Variants in THSD7B observed in about 807,000 individuals in gnomAD.
THSD7B encodes thrombospondin type 1 domain containing 7B, also known as thrombospondin type-1 domain-containing protein 7B.
In THSD7B, 138 loss-of-function variants were observed where a neutral mutation model predicts 213.6. That is an observed-to-expected ratio of 0.65 (90% CI 0.56 to 0.74). The LOEUF (loss-of-function observed/expected upper bound fraction) is 0.74. THSD7B is among the 30% of genes least tolerant of loss of function. The pLI is 0.00. For synonymous variants in THSD7B, 742 were observed against 687.0 expected (o/e 1.08, Z -1.25); for missense variants, 1,931 against 1,991.5 (o/e 0.97, Z 0.58).
At chr2:137,350,331 A>G (rs1469541024) in intron 12 of THSD7B, among the ~76,000 whole-genome samples, 2 of 151,912 alleles carry the variant, frequency 1.3e-5, no homozygotes, top group Non-Finnish European at 2.9e-5. Flanking sequence ...TAGATTGGTC[A>G]GGAAGAGGAG....
At chr2:137,012,650 C>A (rs549936596) in intron 2 of THSD7B, among the ~76,000 whole-genome samples, 3 of 152,134 alleles carry the variant, frequency 2.0e-5, no homozygotes, top group Non-Finnish European at 4.4e-5. Context: ...GTTGGAGAAC[C>A]AAACTCGAGG....
chr2:137,041,710 T>C (rs1303916420), intron 2 of THSD7B, among the ~76,000 whole-genome samples: 1 of 151,494 alleles, frequency 6.6e-6, no homozygotes, highest in South Asian at 2.1e-4. Flanking sequence ...CTGTTTCTTA[T>C]GTATTGTTAT....
intron 15 of THSD7B, among the ~76,000 whole-genome samples, chr2:137,526,048 C>T (rs1680271653): frequency 6.6e-6 from 1 of 152,068 alleles, no homozygotes; most frequent in Non-Finnish European, 1.5e-5. Context: ...CCCAGGCTGA[C>T]AGCCACTTGG....
chr2:137,271,920 T>C (rs1213738372), intron 10 of THSD7B, among the ~76,000 whole-genome samples: 2 of 152,160 alleles, frequency 1.3e-5, no homozygotes, highest in Non-Finnish European at 2.9e-5. Context: ...TTGATGTTCC[T>C]ATTAATACTT....
rs754624057 is a variant in THSD7B at position 137,057,101 on chromosome 2, A to G, written c.821A>G (p.Asn274Ser). Residue 274 changes from asparagine to serine, a missense_variant, in exon 3 of 28, where the codon AAT (asparagine) becomes AGT (serine). By Grantham distance (46) the Asn-to-Ser change is conservative. Transcript: ENST00000409968. ...GTTCTGGATTTTAACTCTGATTCAA[A>G]TGAGCGAGTCACCTTTAAACATCAA... ...RTVLDFNSDS[N>S]ERVTFKHQSY... The G allele has an allele frequency of 6.2e-7, 1 of 1,613,902 alleles. No individual in the cohort carries two copies. The highest frequency in any genetic ancestry group is 1.3e-5 in the African/African-American group (1 of 74,938).
intron 2 of THSD7B, among the ~76,000 whole-genome samples, chr2:136,984,507 TTG>T (rs1685638157): frequency 6.6e-6 from 1 of 152,170 alleles, no homozygotes; most frequent in South Asian, 2.1e-4. Context: ...TCCACCATGG[TTG>T]TAAGCCTCCT....
intron 12 of THSD7B, among the ~76,000 whole-genome samples, chr2:137,388,637 C>T (rs1437566552): frequency 6.6e-6 from 1 of 151,850 alleles, no homozygotes; most frequent in African/African-American, 2.4e-5. Flanking sequence ...ATGTTTGTAC[C>T]CATTAACCAA....
chr2:137,081,995 C>G (rs917433945), intron 3 of THSD7B, among the ~76,000 whole-genome samples: 1 of 152,066 alleles, frequency 6.6e-6, no homozygotes, highest in Non-Finnish European at 1.5e-5. Context: ...TCTCTAAGGT[C>G]TACCAGCTAT....
chr2:137,259,208 G>C (rs531062833), intron 10 of THSD7B, among the ~76,000 whole-genome samples: 4 of 152,250 alleles, frequency 2.6e-5, no homozygotes, highest in Admixed American at 2.0e-4. Flanking sequence ...CCCAGTGATG[G>C]GGTTGGTGGG....
At chr2:136,968,454 T>A (rs932851819) in intron 2 of THSD7B, among the ~76,000 whole-genome samples, 11 of 152,236 alleles carry the variant, frequency 7.2e-5, no homozygotes, top group Admixed American at 7.2e-4. Flanking sequence ...CATTTGAGTA[T>A]TTAGGTTTCT....
intron 10 of THSD7B, among the ~76,000 whole-genome samples, chr2:137,268,786 C>G (rs1682663148): frequency 6.6e-6 from 1 of 152,064 alleles, no homozygotes; most frequent in Non-Finnish European, 1.5e-5. Flanking sequence ...CTTATTTTAC[C>G]CAGCCCCTAT....
At chr2:136,825,863 T>C (rs1208330043) in intron 1 of THSD7B, among the ~76,000 whole-genome samples, 1 of 152,110 alleles carries the variant, frequency 6.6e-6, no homozygotes, top group Non-Finnish European at 1.5e-5. Flanking sequence ...GATTCTTCTC[T>C]TTTAAGTACA....
intron 2 of THSD7B, among the ~76,000 whole-genome samples, chr2:136,926,158 C>A (rs1040014024): frequency 1.3e-5 from 2 of 152,050 alleles, no homozygotes; most frequent in South Asian, 4.1e-4. Context: ...TATATGCATT[C>A]CTCCCTCCTT....
At chr2:137,599,950 T>C (rs566521852) in intron 17 of THSD7B, among the ~76,000 whole-genome samples, 8 of 152,260 alleles carry the variant, frequency 5.3e-5, no homozygotes, top group African/African-American at 1.4e-4. Flanking sequence ...AAATCCTCTA[T>C]GGCCATGCAA....
At chr2:136,818,580 CT>C (rs2104936093) in intron 1 of THSD7B, among the ~76,000 whole-genome samples, 1 of 152,142 alleles carries the variant, frequency 6.6e-6, no homozygotes, top group African/African-American at 2.4e-5. Context: ...TATGATTTTT[CT>C]TAGAAAAGAG....
At chr2:137,531,651 C>T (rs2105180124) in intron 15 of THSD7B, among the ~76,000 whole-genome samples, 1 of 152,042 alleles carries the variant, frequency 6.6e-6, no homozygotes, top group Middle Eastern at 3.4e-3. Context: ...GTTACACCTG[C>T]AGTTAGCTAA....
At chr2:137,401,634 C>CTTTTT (rs35834967) in intron 12 of THSD7B, among the ~76,000 whole-genome samples, 41 of 132,650 alleles carry the variant, frequency 3.1e-4, no homozygotes, top group African/African-American at 7.8e-4. Flanking sequence ...TTCTTTCTTT[C>CTTTTT]TTTTTTTTTT....
intron 2 of THSD7B, among the ~76,000 whole-genome samples, chr2:137,051,428 G>A (rs1057108850): frequency 1.3e-4 from 20 of 152,158 alleles, no homozygotes; most frequent in African/African-American, 4.8e-4. Flanking sequence ...ATATAAGAGA[G>A]GTGTTATTTT....
intron 1 of THSD7B, among the ~76,000 whole-genome samples, chr2:136,877,158 T>C (rs1282158156): frequency 1.3e-5 from 2 of 152,206 alleles, no homozygotes; most frequent in Non-Finnish European, 2.9e-5. Flanking sequence ...GGTTTTGTAA[T>C]AGTATACTAA....
Sources: gnomAD v4.1 joint callset for allele counts (sites outside exome capture counted in the v4.1 genomes callset) on GRCh38, gnomAD v4.1.1 for gene constraint, MANE v1.5 for transcripts, NCBI Gene and HGNC (gene_info 2026-07-23, HGNC 2026-07-21) for gene names.